The following FAM117A variants were observed in gnomAD, a reference collection of about 807,000 sequenced individuals.
FAM117A encodes the protein protein FAM117A.
Under a neutral mutation model 44.1 loss-of-function variants are expected in FAM117A, and 21 were observed. That is an observed-to-expected ratio of 0.48 (90% CI 0.34 to 0.69). The LOEUF (loss-of-function observed/expected upper bound fraction) is 0.69. Ranked by LOEUF, FAM117A falls within the 30% of genes least tolerant of loss-of-function variation. FAM117A has a pLI of 0.01. For missense variants in FAM117A, 498 were observed against 589.9 expected (o/e 0.84, Z 1.61); for synonymous variants, 220 against 238.3 (o/e 0.92, Z 0.71).
At chr17:49,729,586 A>T (rs2073576018) in intron 2 of FAM117A, among the ~76,000 whole-genome samples, 1 of 146,250 alleles carries the variant, frequency 6.8e-6, no homozygotes, top group African/African-American at 2.6e-5. Context: ...GGTTTACTGC[A>T]ACCTCTGCCT....
chr17:49,717,505 C>T lies in FAM117A; in HGVS notation c.910+8G>A, dbSNP rs369142556. On this transcript the variant is annotated splice_region_variant and intron_variant, in intron 6 of 7. Transcript: ENST00000240364. Reference sequence around the variant, plus strand: ...GTCAGCCCTGCTGCCTCAGCCTTCGCGGCTTACCTTTGTCGTTGGGGGTGG... The same window carrying T: ...GTCAGCCCTGCTGCCTCAGCCTTCGTGGCTTACCTTTGTCGTTGGGGGTGG... 5.2e-5 allele frequency: 84 copies of T among 1,613,186 alleles called. No homozygotes were observed. Among genetic ancestry groups the T allele is most frequent in the South Asian group, 1.2e-4 (11 of 91,014 alleles).
chr17:49,746,557 A>G (rs1184012730), intron 1 of FAM117A, among the ~76,000 whole-genome samples: 1 of 152,252 alleles, frequency 6.6e-6, no homozygotes, highest in East Asian at 1.9e-4. Context: ...ACACTAAACT[A>G]AATTAAGAAG....
chr17:49,767,912 A>T (rs77593952), upstream of FAM117A, among the ~76,000 whole-genome samples: 1 of 136,038 alleles, frequency 7.4e-6, no homozygotes, highest in African/African-American at 3.2e-5. Flanking sequence ...AAATAATAAT[A>T]AAAAAAAAAA....
intron 1 of FAM117A, among the ~76,000 whole-genome samples, chr17:49,777,854 C>G (rs1363919366): frequency 6.6e-6 from 1 of 152,144 alleles, no homozygotes; most frequent in East Asian, 1.9e-4. Context: ...TTTCCCTTCT[C>G]TGGTGGGAAA....
At chr17:49,752,499 G>C (rs934908300) in intron 1 of FAM117A, among the ~76,000 whole-genome samples, 7 of 152,160 alleles carry the variant, frequency 4.6e-5, no homozygotes, top group Admixed American at 1.3e-4. Context: ...TGTATTCCCA[G>C]GTGCTTTTCT....
intron 1 of FAM117A, among the ~76,000 whole-genome samples, chr17:49,770,269 C>CAAAA (rs57966452): frequency 7.2e-5 from 5 of 69,770 alleles, no homozygotes; most frequent in South Asian, 5.7e-4. Flanking sequence ...GACTCTGTAT[C>CAAAA]AAAAAAAAAA....
rs2073734297 is a variant in FAM117A at position 49,763,982 on chromosome 17, A to G, written c.106T>C (p.Ser36Pro). ...RGCSPPAPAG[S>P]PRAGLQPLRA... The stretch of plus-strand genomic sequence containing the variant: ...AGCGGCTGCAGCCCAGCCCGGGGGG[A>G]GCCGGCGGGGGCTGGGGGAGAGCAG... The change falls in exon 1 of 8, where the codon TCC becomes CCC. Residue 36 changes from serine to proline, a missense_variant. By Grantham distance (74) the Ser-to-Pro change is moderately conservative. This residue lies in a region of FAM117A where 270 missense variants were observed against 277.4 expected (regional missense o/e 0.97). Transcript: ENST00000240364. 1 of 1,222,080 alleles carries G rather than the reference A, an allele frequency of 8.2e-7. No individual in the cohort carries two copies. Among genetic ancestry groups the G allele is most frequent in the Non-Finnish European group, 1.0e-6 (1 of 982,202 alleles). The allele number at this position is 1,222,080 out of a possible 1,614,324, so 75.7% of individuals were successfully genotyped here. A position where few individuals can be genotyped will look rare whatever the true frequency, so the allele number is the denominator to read the frequency against.
chr17:49,723,751 G>A (rs555187475), intron 2 of FAM117A, among the ~76,000 whole-genome samples: 10 of 152,130 alleles, frequency 6.6e-5, no homozygotes, highest in Non-Finnish European at 1.3e-4. Flanking sequence ...GAGAGCAGAC[G>A]GCCGTATGTG....
At chr17:49,760,577 A>T (rs1295960524) in intron 1 of FAM117A, among the ~76,000 whole-genome samples, 2 of 152,334 alleles carry the variant, frequency 1.3e-5, no homozygotes, top group East Asian at 3.9e-4. Context: ...TGGTGGTCAG[A>T]GGAGGTTCCA....
At chr17:49,733,394 T>C (rs929023444) in intron 1 of FAM117A, among the ~76,000 whole-genome samples, 2 of 152,224 alleles carry the variant, frequency 1.3e-5, no homozygotes, top group Non-Finnish European at 1.5e-5. Context: ...AATCCATTCA[T>C]AGGCCGGGTG....
rs534501670 is a variant in FAM117A, at chr17:49,774,496, A to T, written c.-621+14001T>A. On this transcript the variant is annotated intron_variant, in intron 1 of 7. Coordinates refer to the FAM117A transcript ENST00000513602. ...TGTCTCAGCCTCCCGAGTAGCTGGG[A>T]CTACAGGCTCGCACCATCATGCCCA... Among the ~76,000 whole-genome samples, 16 of 151,972 alleles carry T rather than the reference A, an allele frequency of 1.1e-4. No homozygotes were observed. In the South Asian group the frequency reaches 2.7e-3, roughly 26 times the overall value.
Position 49,711,657 on chromosome 17 carries a change from T to C in FAM117A, c.1062-102A>G. ...CACAGCATCAAGGCAGCAGGAGAGC[T>C]GGGTCTCTGTTCAAACAGAATTGGA... On this transcript the variant is annotated intron_variant, in intron 7 of 7. Coordinates refer to ENST00000240364, the MANE Select transcript of FAM117A (RefSeq NM_030802.4). 1.3e-5 allele frequency: 15 copies of C among 1,134,022 alleles called. 1 individual carries two copies. The South Asian group carries it at 1.9e-4, about 14-fold the overall frequency. The allele number at this position is 1,134,022 out of a possible 1,614,324, so 70.2% of individuals were successfully genotyped here. A position where few individuals can be genotyped will look rare whatever the true frequency, so the allele number is the denominator to read the frequency against.
At position 49,711,483 on chromosome 17, in the gene FAM117A, G is replaced by T. The variant is rs202098961; in HGVS notation, c.1134C>A (p.Gly378=). 1.9e-6 allele frequency: 3 copies of T among 1,614,152 alleles called. No homozygotes were observed. The highest frequency in any genetic ancestry group is 2.5e-6 in the Non-Finnish European group (3 of 1,180,032). Reference sequence around the variant, plus strand: ...TCAGGTTGACGGGGCAGAAGGCTGAGCCAGTCGGGTTGAAATGGACTTTGT... The same window carrying T: ...TCAGGTTGACGGGGCAGAAGGCTGATCCAGTCGGGTTGAAATGGACTTTGT... ...DKNKVHFNPT[G]SAFCPVNLMK... The change falls in exon 8 of 8, where the codon GGC becomes GGA. Residue 378 remains glycine, a synonymous_variant. Transcript: ENST00000240364.
chr17:49,719,681 A>G (rs2073523963), intron 5 of FAM117A, 79 bp downstream of exon 5: 10 of 1,457,708 alleles, frequency 6.9e-6, no homozygotes, highest in Non-Finnish European at 8.2e-6. Flanking sequence ...GGCCCCAGAG[A>G]GCAGGACTCC....
chr17:49,711,240 G>A lies in FAM117A; in HGVS notation c.*15C>T, dbSNP rs753426938. ...GCACTGGTCTCTATGGTAAAGTGGG[G>A]CAGGGGTGGGACCCTCAGACCATCA... On this transcript the variant is annotated 3_prime_UTR_variant, in exon 8 of 8. Coordinates refer to ENST00000240364, the MANE Select transcript of FAM117A (RefSeq NM_030802.4). 1.5e-5 allele frequency: 24 copies of A among 1,577,530 alleles called. No individual in the cohort carries two copies. The highest frequency in any genetic ancestry group is 1.6e-5 in the Non-Finnish European group (19 of 1,160,476).
At chr17:49,753,343 A>G (rs1222027500) in intron 1 of FAM117A, among the ~76,000 whole-genome samples, 2 of 152,230 alleles carry the variant, frequency 1.3e-5, no homozygotes, top group African/African-American at 4.8e-5. Context: ...TAATTAAGCA[A>G]AAGGGGTTTA....
At chr17:49,723,139 T>G (rs1181423748) in intron 2 of FAM117A, among the ~76,000 whole-genome samples, 1 of 152,130 alleles carries the variant, frequency 6.6e-6, no homozygotes, top group Non-Finnish European at 1.5e-5. Context: ...GTGCAGTGCT[T>G]CATTTTTCCC....
chr17:49,716,295 C>A lies in FAM117A; in HGVS notation c.931G>T (p.Ala311Ser), dbSNP rs555059061. 1.3e-6 allele frequency: 2 copies of A among 1,598,754 alleles called. No homozygotes were observed. The highest frequency in any genetic ancestry group is 2.3e-5 in the South Asian group (2 of 87,740). ...GATGGGCTGCCATCTTCAAGAAAGG[C>A]TGGGTGTCCTGGAGAGGAGGCTGTG... ...NDKASSPGHP[A>S]FLEDGSPSPV... Residue 311 changes from alanine to serine, a missense_variant, in exon 7 of 8, where the codon GCC becomes TCC. By Grantham distance (99) the Ala-to-Ser change is moderately conservative (BLOSUM62 1). Coordinates refer to ENST00000240364, the MANE Select transcript of FAM117A (RefSeq NM_030802.4).
At chr17:49,712,969 T>C (rs2073485435) in intron 7 of FAM117A, among the ~76,000 whole-genome samples, 2 of 152,182 alleles carry the variant, frequency 1.3e-5, no homozygotes, top group African/African-American at 4.8e-5. Context: ...CTCAAACTCC[T>C]AGGTGCAAGT....
Sources: allele counts gnomAD v4.1 joint callset (sites outside exome capture counted in the v4.1 genomes callset), GRCh38; gene constraint gnomAD v4.1.1; regional missense constraint gnomAD v4.1.1; transcripts MANE v1.5; gene names NCBI Gene and HGNC (gene_info 2026-07-23, HGNC 2026-07-21).